Variants in SLC4A10 observed in about 807,000 individuals in gnomAD.
The protein encoded by SLC4A10 is sodium-driven chloride bicarbonate exchanger.
In SLC4A10, 42 loss-of-function variants were observed where a neutral mutation model predicts 137.7. The ratio of observed to expected loss-of-function variants is 0.30; its 90% CI spans 0.24 to 0.39. The LOEUF is 0.39. Ranked by LOEUF, SLC4A10 falls within the 10% of genes least tolerant of loss-of-function variation. SLC4A10 has a pLI of 1.00. For missense variants in SLC4A10, 925 were observed against 1,355.0 expected, an observed-to-expected ratio of 0.68 and a Z score of 4.98; for synonymous variants, 474 against 464.1, an observed-to-expected ratio of 1.02 and a Z score of -0.27.
chr2:161,896,157 T>C (rs1196988595), intron 11 of SLC4A10, among the ~76,000 whole-genome samples: 3 of 152,132 alleles, frequency 2.0e-5, no homozygotes, highest in Admixed American at 1.3e-4. Flanking sequence ...CCAGCACCAT[T>C]TATTAAATAG....
chr2:161,721,934 T>C (rs768683895), intron 1 of SLC4A10, among the ~76,000 whole-genome samples: 9 of 152,216 alleles, frequency 5.9e-5, no homozygotes, highest in Non-Finnish European at 8.8e-5. Context: ...TTCAGCAAGA[T>C]AGTCTTCAAG....
chr2:161,904,011 G>T lies in SLC4A10; in HGVS notation c.1450G>T (p.Gly484Trp). ...PELQRTGRIF[G>W]GLILDIKRKA... ...TTTTCCCCCCTGTCTTAGGATTTTT[G>T]GGGGACTTATTTTAGATATCAAAAG... is the stretch of plus-strand genomic sequence containing the variant. Residue 484 changes from glycine (G) to tryptophan (W), a missense_variant, in exon 13 of 27, where the codon GGG (glycine) becomes TGG (tryptophan). Transcript: ENST00000446997. 6.4e-7 allele frequency: 1 copy of T among 1,572,028 alleles called. No individual in the cohort carries two copies. The highest frequency in any genetic ancestry group is 1.9e-5 in the Admixed American group (1 of 53,222).
chr2:161,660,062 G>A (rs549594018), intron 1 of SLC4A10, among the ~76,000 whole-genome samples: 2 of 147,236 alleles, frequency 1.4e-5, no homozygotes, highest in East Asian at 2.1e-4. Flanking sequence ...CTTTTGGGGG[G>A]TGATGGAAAT....
chr2:161,628,652 A>G (rs976014282), intron 1 of SLC4A10, among the ~76,000 whole-genome samples: 2 of 152,018 alleles, frequency 1.3e-5, no homozygotes, highest in South Asian at 2.1e-4. Context: ...AAGAAAACAT[A>G]CTCACTACAC....
At chr2:161,913,570 C>T (rs895393625) in intron 15 of SLC4A10, among the ~76,000 whole-genome samples, 6 of 152,138 alleles carry the variant, frequency 3.9e-5, no homozygotes, top group African/African-American at 1.2e-4. Flanking sequence ...GAAAGTAGCA[C>T]GTTGTCTTTT....
intron 26 of SLC4A10, among the ~76,000 whole-genome samples, chr2:161,980,099 A>C (rs1040399763): frequency 6.6e-6 from 1 of 152,212 alleles, no homozygotes; most frequent in Non-Finnish European, 1.5e-5. Flanking sequence ...ACCACATTGC[A>C]TCAGAATAGG....
Position 161,665,128 on chromosome 2 carries a change from G to A in SLC4A10, c.48+40562G>A, listed in dbSNP as rs1356070761. Reference sequence around the variant, plus strand: ...GGATGGGTTCAATCCAAAAATAGTAGCGGCTTTTGATCAATGCAACTTTGC... The same window carrying A: ...GGATGGGTTCAATCCAAAAATAGTAACGGCTTTTGATCAATGCAACTTTGC... On this transcript the variant is annotated intron_variant, in intron 1 of 26. Transcript: ENST00000446997. 2.6e-5 allele frequency among the ~76,000 whole-genome samples: 4 copies of A among 151,736 alleles called. No individual in the cohort carries two copies. In the East Asian group the frequency reaches 5.8e-4, roughly 22 times the overall value.
intron 3 of SLC4A10, among the ~76,000 whole-genome samples, chr2:161,833,701 C>T (rs1482191417): frequency 6.6e-6 from 1 of 152,204 alleles, no homozygotes; most frequent in East Asian, 1.9e-4. Flanking sequence ...ATTCAGATTT[C>T]TGAACCATTC....
chr2:161,982,324 G>T (rs1326816094), intron 26 of SLC4A10, among the ~76,000 whole-genome samples: 2 of 152,076 alleles, frequency 1.3e-5, no homozygotes, highest in East Asian at 1.9e-4. Flanking sequence ...TCTGGAACAT[G>T]GTGTGAACTT....
chr2:161,915,467 G>A (rs1322504029), intron 15 of SLC4A10, among the ~76,000 whole-genome samples: 1 of 152,146 alleles, frequency 6.6e-6, no homozygotes, highest in Non-Finnish European at 1.5e-5. Context: ...ACTCAAACAG[G>A]CCATCACACT....
intron 3 of SLC4A10, among the ~76,000 whole-genome samples, chr2:161,835,477 G>A (rs999846605): frequency 2.6e-5 from 4 of 151,006 alleles, no homozygotes; most frequent in African/African-American, 4.9e-5. Context: ...AGCTTCAGAC[G>A]ATTTCGGAGA....
chr2:161,772,988 G>A (rs1442034643), intron 2 of SLC4A10, among the ~76,000 whole-genome samples: 1 of 151,804 alleles, frequency 6.6e-6, no homozygotes. Context: ...ATTTTAAGTG[G>A]GAGAGCACCA....
At chr2:161,830,460 A>T (rs1422241353) in intron 3 of SLC4A10, among the ~76,000 whole-genome samples, 1 of 151,722 alleles carries the variant, frequency 6.6e-6, no homozygotes, top group Non-Finnish European at 1.5e-5. Context: ...GCTGCTCTTA[A>T]GGTAGTTGTG....
At chr2:161,712,528 A>C (rs2044399909) in intron 1 of SLC4A10, among the ~76,000 whole-genome samples, 1 of 151,856 alleles carries the variant, frequency 6.6e-6, no homozygotes, top group Admixed American at 6.6e-5. Flanking sequence ...TGTTTTTAAT[A>C]ATTTTATTTC....
At chr2:161,935,421 A>G (rs1277808900) in intron 15 of SLC4A10, among the ~76,000 whole-genome samples, 7 of 152,116 alleles carry the variant, frequency 4.6e-5, no homozygotes, top group African/African-American at 1.4e-4. Context: ...AAAAAATGTC[A>G]TTGGCATTTT....
At chr2:161,876,108 C>A (rs2061433218) in intron 8 of SLC4A10, among the ~76,000 whole-genome samples, 1 of 152,134 alleles carries the variant, frequency 6.6e-6, no homozygotes, top group Non-Finnish European at 1.5e-5. Context: ...AGAAAGAAAT[C>A]TTTCCACTAC....
intron 23 of SLC4A10, among the ~76,000 whole-genome samples, chr2:161,966,754 A>AAACAAAAAACAAAT (rs1260500725): frequency 1.9e-4 from 29 of 151,906 alleles, no homozygotes; most frequent in Non-Finnish European, 3.8e-4. Flanking sequence ...AAAAAACAAA[A>AAACAAAAAACAAAT]AACTTTGACT....
At chr2:161,812,417 A>G (rs1396689300) in intron 3 of SLC4A10, among the ~76,000 whole-genome samples, 1 of 151,896 alleles carries the variant, frequency 6.6e-6, no homozygotes, top group East Asian at 1.9e-4. Flanking sequence ...GGTTTGTTAC[A>G]TGAGTATGTT....
intron 10 of SLC4A10, among the ~76,000 whole-genome samples, chr2:161,883,575 G>A (rs924850140): frequency 3.3e-5 from 5 of 152,130 alleles, no homozygotes; most frequent in Admixed American, 1.3e-4. Flanking sequence ...CAAATTGGGT[G>A]GTTTAAAATG....
Sources: allele counts gnomAD v4.1 joint callset (sites outside exome capture counted in the v4.1 genomes callset), GRCh38; gene constraint gnomAD v4.1.1; transcripts MANE v1.5; gene names NCBI Gene and HGNC (gene_info 2026-07-23, HGNC 2026-07-21).